Variants in SASH1 observed in about 807,000 individuals in gnomAD.
The protein encoded by SASH1 is SAM and SH3 domain containing 1, also known as SAM and SH3 domain-containing protein 1.
SASH1 carries 44 observed loss-of-function variants against 125.2 expected under a neutral mutation model. That is an observed-to-expected ratio of 0.35 (90% CI 0.28 to 0.45). The LOEUF is 0.45. Ranked by LOEUF, SASH1 falls within the 20% of genes least tolerant of loss-of-function variation. The pLI is 1.00. For synonymous variants in SASH1, 639 were observed against 649.1 expected, an observed-to-expected ratio of 0.98 and a Z score of 0.24; for missense variants, 1,426 against 1,614.5, an observed-to-expected ratio of 0.88 and a Z score of 2.00.
At chr6:148,263,361 G>A in the SASH1 span, among the ~76,000 whole-genome samples, 2 of 152,194 alleles carry the variant, frequency 1.3e-5, no homozygotes, top group Admixed American at 1.3e-4. Flanking sequence ...GGTTCACTGA[G>A]CTAGAACAGC....
intron 1 of SASH1, among the ~76,000 whole-genome samples, chr6:148,387,576 C>CTTTCTTTCT: frequency 1.8e-4 from 1 of 5,418 alleles, no homozygotes; most frequent in East Asian, 3.2e-3. Context: ...CTCTTTCTTT[C>CTTTCTTTCT]TTTCTTTCTT....
At chr6:148,270,727 G>T (rs2128502358), upstream of SASH1, among the ~76,000 whole-genome samples, 1 of 152,184 alleles carries the variant, frequency 6.6e-6, no homozygotes, top group South Asian at 2.1e-4. Context: ...ACCAGTTCTT[G>T]GTTAATACAC....
At position 148,327,698 on chromosome 6, in the gene SASH1, T is replaced by C. The variant is rs187855607; in HGVS notation, n.74+55321T>C. 3.1e-3 allele frequency among the ~76,000 whole-genome samples: 466 copies of C among 150,494 alleles called. 1 individual carries two copies. Among genetic ancestry groups the C allele is most frequent in the Non-Finnish European group, 5.7e-3 (388 of 67,628 alleles). On this transcript the variant is annotated intron_variant and non_coding_transcript_variant, in intron 1 of 3. Coordinates refer to the SASH1 transcript ENST00000367469. ...GCTCACGCCTGTAATCCCAACACTT[T>C]GGGAGGCTGAGGTGGGCAGATCACC...
Position 148,347,753 on chromosome 6 carries a change from T to C in SASH1, c.156+4530T>C, listed in dbSNP as rs201592091. ...TTCTGACTTCACCTTAATTTTATGA[T>C]GTTCCTTTTAGCCCACTGAAGAAAG... On this transcript the variant is annotated intron_variant, in intron 1 of 19. Coordinates refer to ENST00000367467, the MANE Select transcript of SASH1 (RefSeq NM_015278.5). Among the ~76,000 whole-genome samples, 84 of 118,082 alleles carry C rather than the reference T, an allele frequency of 7.1e-4. 1 individual carries two copies. In the East Asian group the frequency reaches 0.02, roughly 28 times the overall value. The allele number at this position is 118,082 out of a possible 152,430, so 77.5% of individuals were successfully genotyped here. A position where few individuals can be genotyped will look rare whatever the true frequency, so the allele number is the denominator to read the frequency against.
intron 2 of SASH1, among the ~76,000 whole-genome samples, chr6:148,426,333 G>A (rs928030597): frequency 4.6e-5 from 7 of 152,100 alleles, no homozygotes; most frequent in South Asian, 2.1e-4. Context: ...GAAAGGGGTC[G>A]GACAGCTCTG....
chr6:148,200,902 G>A, the SASH1 span, among the ~76,000 whole-genome samples: 1 of 152,176 alleles, frequency 6.6e-6, no homozygotes, highest in Non-Finnish European at 1.5e-5. Context: ...CTCTGTGACT[G>A]CTTTCTTTTA....
chr6:148,519,906 G>A lies in SASH1; in HGVS notation c.1209+13G>A, dbSNP rs1175385582. 6.6e-7 allele frequency: 1 copy of A among 1,526,096 alleles called. No individual in the cohort carries two copies. The highest frequency in any genetic ancestry group is 2.4e-5 in the East Asian group (1 of 40,982). The allele number at this position is 1,526,096 out of a possible 1,614,324, so 94.5% of individuals were successfully genotyped here. The stretch of plus-strand genomic sequence containing the variant: ...CCTAAGCCACGGGGTAAGTACGGAT[G>A]GTGTTTGCTTCTATGACAACCACCG... On this transcript the variant is annotated intron_variant, in intron 10 of 19. Coordinates refer to ENST00000367467, the MANE Select transcript of SASH1 (RefSeq NM_015278.5). This position sits in a 1 kb window ranked among gnomAD's most constrained non-coding sequence, Gnocchi z 4.8.
At chr6:148,438,106 G>A (rs940097917) in intron 2 of SASH1, among the ~76,000 whole-genome samples, 2 of 152,162 alleles carry the variant, frequency 1.3e-5, no homozygotes, top group African/African-American at 4.8e-5. Context: ...GTTATAGAAG[G>A]TCATGGGCTG....
the SASH1 span, among the ~76,000 whole-genome samples, chr6:148,215,648 G>A: frequency 1.3e-5 from 2 of 151,978 alleles, no homozygotes; most frequent in African/African-American, 4.8e-5. Flanking sequence ...CCCTCTACGA[G>A]GTATCATAGA....
At chr6:148,273,841 G>C (rs1381757263) in intron 1 of SASH1, among the ~76,000 whole-genome samples, 1 of 152,210 alleles carries the variant, frequency 6.6e-6, no homozygotes, top group African/African-American at 2.4e-5. Context: ...TGAGAACAGT[G>C]CCTGGTACTG....
intron 1 of SASH1, among the ~76,000 whole-genome samples, chr6:148,331,278 T>TA (rs1780988834): frequency 6.6e-6 from 1 of 152,226 alleles, no homozygotes; most frequent in Admixed American, 6.5e-5. Context: ...ATAAAATAAA[T>TA]ACCTGTTGTG....
intron 2 of SASH1, among the ~76,000 whole-genome samples, chr6:148,396,072 C>T (rs1783935518): frequency 6.6e-6 from 1 of 152,112 alleles, no homozygotes; most frequent in African/African-American, 2.4e-5. Flanking sequence ...AATTTGTTGT[C>T]ATGACTTTGT....
At chr6:148,213,431 A>T in the SASH1 span, among the ~76,000 whole-genome samples, 14 of 151,912 alleles carry the variant, frequency 9.2e-5, no homozygotes, top group Non-Finnish European at 1.5e-4. Flanking sequence ...AAGAGTCAAG[A>T]TTATTTCAAT....
In SASH1 at chr6:148,356,494, C is replaced by CTTTTTTT. The variant is rs57183555; in HGVS notation, c.156+13285_156+13291dup. Among the ~76,000 whole-genome samples, 525 of 116,120 alleles carry CTTTTTTT rather than the reference C, an allele frequency of 4.5e-3. 24 individuals carry two copies. Among genetic ancestry groups the CTTTTTTT allele is most frequent in the African/African-American group, 0.011 (331 of 29,898 alleles). The allele number at this position is 116,120 out of a possible 152,430, so 76.2% of individuals were successfully genotyped here. A position where few individuals can be genotyped will look rare whatever the true frequency, so the allele number is the denominator to read the frequency against. On this transcript the variant is annotated intron_variant, in intron 1 of 19. Transcript: ENST00000367467. ...TCAAATGGTAGATCTACTTTTAGTT[C>CTTTTTTT]TTTTTTTTTTTTTTTTTTTTGAGAC... is the stretch of plus-strand genomic sequence containing the variant.
chr6:148,251,334 T>G, the SASH1 span, among the ~76,000 whole-genome samples: 1 of 152,216 alleles, frequency 6.6e-6, no homozygotes, highest in African/African-American at 2.4e-5. Flanking sequence ...TCAGAATTTT[T>G]TTCATTTAAA....
chr6:148,523,074 T>C (rs1780912649), intron 10 of SASH1, among the ~76,000 whole-genome samples: 1 of 152,248 alleles, frequency 6.6e-6, no homozygotes, highest in Non-Finnish European at 1.5e-5. Flanking sequence ...ACAATAGGCA[T>C]GTGAAAACTT....
At chr6:148,528,180 C>A (rs1352358948) in intron 12 of SASH1, among the ~76,000 whole-genome samples, 1 of 152,078 alleles carries the variant, frequency 6.6e-6, no homozygotes, top group African/African-American at 2.4e-5. Context: ...TGATTTTTCC[C>A]CCCTGGATCT....
At chr6:148,537,394 G>A (rs1781915183) in intron 16 of SASH1, among the ~76,000 whole-genome samples, 1 of 152,046 alleles carries the variant, frequency 6.6e-6, no homozygotes, top group African/African-American at 2.4e-5. Flanking sequence ...GCAAATGAAA[G>A]CCTCTTACAA....
chr6:148,278,132 C>T (rs528345991), intron 1 of SASH1, among the ~76,000 whole-genome samples: 16 of 152,280 alleles, frequency 1.1e-4, no homozygotes, highest in East Asian at 1.9e-4. Flanking sequence ...CTCTGCCTCC[C>T]GGGTTCAAGC....
Sources: gnomAD v4.1 joint callset for allele counts (sites outside exome capture counted in the v4.1 genomes callset) on GRCh38, gnomAD v4.1.1 for gene constraint, Gnocchi (gnomAD v3.1) non-coding constraint, MANE v1.5 for transcripts, NCBI Gene and HGNC (gene_info 2026-07-23, HGNC 2026-07-21) for gene names.